The following PLPP3 variants were observed in gnomAD, a reference collection of about 807,000 sequenced individuals.
The protein encoded by PLPP3 is phospholipid phosphatase 3, also known as PAP2 beta.
PLPP3 carries 6 observed loss-of-function variants against 29.6 expected under a neutral mutation model. That is an observed-to-expected ratio of 0.20 (90% CI 0.11 to 0.40). The LOEUF (loss-of-function observed/expected upper bound fraction) is 0.40. PLPP3 is among the 10% of genes least tolerant of loss of function. PLPP3 has a pLI of 1.00. For missense variants in PLPP3, 308 were observed against 407.7 expected, an observed-to-expected ratio of 0.76 and a Z score of 2.11; for synonymous variants, 152 against 159.7, an observed-to-expected ratio of 0.95 and a Z score of 0.36.
chr1:56,538,658 A>C (rs75828481), intron 1 of PLPP3: 7,643 of 302,096 alleles, frequency 0.025, 134 homozygotes, highest in South Asian at 0.069. Context: ...AGTGTTCCCC[A>C]GCATGCCGTT....
chr1:56,522,950 AG>A (rs1179106583), intron 4 of PLPP3, among the ~76,000 whole-genome samples: 1 of 152,208 alleles, frequency 6.6e-6, no homozygotes, highest in Admixed American at 6.5e-5. Context: ...CTGTCTGTCC[AG>A]CAGCTGGAGG....
At chr1:56,565,581 C>T (rs1321458824) in intron 1 of PLPP3, among the ~76,000 whole-genome samples, 4 of 152,064 alleles carry the variant, frequency 2.6e-5, no homozygotes, top group African/African-American at 7.2e-5. Flanking sequence ...CAACCGCACC[C>T]GGCTAATTTT....
Position 56,537,019 on chromosome 1 carries a change from T to C in PLPP3, c.233A>G (p.Lys78Arg), listed in dbSNP as rs762937062. ...AGCGTCATTTATTGTCTCACCAGTT[T>C]TCAGTGGGTACTTGATGCTCTCATC... ...CNDESIKYPL[K>R]TGETINDAVL... Residue 78 changes from lysine to arginine, a missense_variant, in exon 2 of 6, where the codon AAA (lysine) becomes AGA (arginine). Around this residue, in one of 3 missense-constraint regions of PLPP3, gnomAD observed 232 missense variants for 317.2 expected, o/e 0.73. Transcript: ENST00000371250. 8.1e-6 allele frequency: 13 copies of C among 1,613,654 alleles called. No homozygotes were observed. The highest frequency in any genetic ancestry group is 3.3e-5 in the Admixed American group (2 of 59,972).
At chr1:56,498,638 C>CT (rs559651197) in intron 5 of PLPP3, among the ~76,000 whole-genome samples, 16,384 of 144,670 alleles carry the variant, frequency 0.11, 942 homozygotes, top group African/African-American at 0.17. Flanking sequence ...TCACTACTTT[C>CT]TTTTTTTTTT....
intron 4 of PLPP3, among the ~76,000 whole-genome samples, chr1:56,517,730 C>T (rs1309430939): frequency 1.3e-5 from 2 of 152,244 alleles, no homozygotes; most frequent in Non-Finnish European, 2.9e-5. Flanking sequence ...GGACCTCTGT[C>T]TTTGGAGAAA....
At chr1:56,500,265 C>T (rs1349330645) in intron 5 of PLPP3, among the ~76,000 whole-genome samples, 1 of 152,048 alleles carries the variant, frequency 6.6e-6, no homozygotes, top group Non-Finnish European at 1.5e-5. Flanking sequence ...AGTTAGACAG[C>T]CAGGTAAACA....
At chr1:56,554,506 A>G (rs1646061267) in intron 1 of PLPP3, among the ~76,000 whole-genome samples, 1 of 150,844 alleles carries the variant, frequency 6.6e-6, no homozygotes, top group African/African-American at 2.4e-5. Flanking sequence ...CGGGAGGCGG[A>G]GCTTGCAGTG....
chr1:56,577,774 G>A (rs1646245996), intron 1 of PLPP3, among the ~76,000 whole-genome samples: 1 of 152,116 alleles, frequency 6.6e-6, no homozygotes, highest in Non-Finnish European at 1.5e-5. Context: ...GCGGGAAGGG[G>A]CCTTGGAGAG....
At chr1:56,562,262 A>G (rs547341921) in intron 1 of PLPP3, among the ~76,000 whole-genome samples, 5 of 152,008 alleles carry the variant, frequency 3.3e-5, no homozygotes, top group African/African-American at 1.2e-4. Flanking sequence ...ATGCTGAGAA[A>G]TGGATTCTGT....
Position 56,511,988 on chromosome 1 carries a change from C to T in PLPP3, c.798G>A (p.Val266=). 6.2e-7 allele frequency: 1 copy of T among 1,613,320 alleles called. No homozygotes were observed. The highest frequency in any genetic ancestry group is 8.5e-7 in the Non-Finnish European group (1 of 1,179,740). ...VLAGFAQGAL[V]ACCIVFFVSD... ...AGATGCTACTTACTATGCAGCAGGC[C>T]ACCAGGGCTCCTTGAGCAAATCCTG... Residue 266 remains valine, a synonymous_variant, in exon 5 of 6, where the codon GTG becomes GTA. Transcript: ENST00000371250.
chr1:56,560,941 C>T (rs1004798693), intron 1 of PLPP3, among the ~76,000 whole-genome samples: 2 of 149,352 alleles, frequency 1.3e-5, no homozygotes, highest in African/African-American at 4.9e-5. Context: ...GGGTTCACAC[C>T]ATTCTCCTGC....
chr1:56,519,620 A>C (rs1223993454), intron 4 of PLPP3, among the ~76,000 whole-genome samples: 4 of 152,156 alleles, frequency 2.6e-5, no homozygotes, highest in Non-Finnish European at 4.4e-5. Context: ...CATTTTATCC[A>C]GATAGCATGT....
chr1:56,531,449 G>C (rs981993463), intron 2 of PLPP3, among the ~76,000 whole-genome samples: 1 of 152,184 alleles, frequency 6.6e-6, no homozygotes, highest in African/African-American at 2.4e-5. Context: ...CACAAAGCCT[G>C]CTTGCTATAA....
intron 5 of PLPP3, among the ~76,000 whole-genome samples, chr1:56,506,945 G>C (rs1013159534): frequency 6.6e-6 from 1 of 152,204 alleles, no homozygotes; most frequent in African/African-American, 2.4e-5. Flanking sequence ...AGGTGTGCAG[G>C]CAGGCCTATC....
intron 1 of PLPP3, among the ~76,000 whole-genome samples, chr1:56,567,260 C>T (rs758918969): frequency 2.0e-5 from 3 of 152,078 alleles, no homozygotes; most frequent in Non-Finnish European, 2.9e-5. Flanking sequence ...TGATTCAAAA[C>T]GTGTTTCTTT....
At chr1:56,510,751 T>C (rs1189687460) in intron 5 of PLPP3, among the ~76,000 whole-genome samples, 2 of 152,236 alleles carry the variant, frequency 1.3e-5, no homozygotes, top group African/African-American at 4.8e-5. Context: ...TTTTGCTTGT[T>C]AGGCACACAT....
chr1:56,521,508 G>C (rs1170887476), intron 4 of PLPP3, among the ~76,000 whole-genome samples: 1 of 152,110 alleles, frequency 6.6e-6, no homozygotes, highest in Non-Finnish European at 1.5e-5. Context: ...TGTGCACAGT[G>C]GGGTGGGAGG....
chr1:56,524,383 G>T lies in PLPP3; in HGVS notation c.469C>A (p.His157Asn), dbSNP rs761614114. Residue 157 changes from histidine (H) to asparagine (N), a missense_variant, in exon 3 of 6, where the codon CAC (histidine) becomes AAC (asparagine). Around this residue, in one of 3 missense-constraint regions of PLPP3, gnomAD observed 232 missense variants for 317.2 expected, o/e 0.73. Transcript: ENST00000371250. The surrounding 1 kb of genome is among the most constrained non-coding windows in gnomAD (Gnocchi z 4.3). ...TCAGGGTTGCAGACACTCAAGAAGT[G>T]AGGACGCAGGCGCCCTATGGACACT... ...AKVSIGRLRP[H>N]FLSVCNPDFS... 2.5e-6 allele frequency: 4 copies of T among 1,614,102 alleles called. No homozygotes were observed. Among genetic ancestry groups the T allele is most frequent in the Middle Eastern group, 1.7e-4 (1 of 6,056 alleles).
At chr1:56,578,748 G>A in intron 1 of PLPP3, 130 bp downstream of exon 1, 2 of 1,035,984 alleles carry the variant, frequency 1.9e-6, no homozygotes, top group Non-Finnish European at 1.2e-6. Flanking sequence ...AGGCTCCCCA[G>A]GAAGGCTGCG....
Sources: allele counts gnomAD v4.1 joint callset (sites outside exome capture counted in the v4.1 genomes callset), GRCh38; gene constraint gnomAD v4.1.1; regional missense constraint gnomAD v4.1.1; non-coding constraint Gnocchi (gnomAD v3.1); transcripts MANE v1.5; gene names NCBI Gene and HGNC (gene_info 2026-07-23, HGNC 2026-07-21).